The following TGM1 variants were observed in gnomAD, a reference collection of about 807,000 sequenced individuals.
The protein encoded by TGM1 is transglutaminase 1.
In TGM1, 63 loss-of-function variants were observed where a neutral mutation model predicts 88.7. The observed-to-expected ratio is 0.71, with a 90% CI of 0.58 to 0.88. TGM1 has a LOEUF of 0.88. TGM1 is among the 40% of genes least tolerant of loss of function. TGM1 has a pLI of 0.00. For missense variants in TGM1, 996 were observed against 1,118.0 expected (o/e 0.89, Z 1.56); for synonymous variants, 415 against 431.1 (o/e 0.96, Z 0.46).
Position 24,259,103 on chromosome 14 carries a change from G to C in TGM1, c.1131C>G (p.Cys377Trp). ...RTGYSVPYGQ[C>W]WVFAGVTTTV... ...TGGTGGTCACGCCAGCAAAGACCCAGCACTGGCCATAGGGGACGGAATATC... is the reference window on the plus strand; with the variant it reads ...TGGTGGTCACGCCAGCAAAGACCCACCACTGGCCATAGGGGACGGAATATC... The change falls in exon 7 of 15, where the codon TGC becomes TGG. Residue 377 changes from cysteine (C) to tryptophan (W), a missense_variant. Coordinates refer to ENST00000206765, the MANE Select transcript of TGM1 (RefSeq NM_000359.3). The surrounding 1 kb of genome is among the most constrained non-coding windows in gnomAD (Gnocchi z 5.7). 1 of 1,614,116 alleles carries C rather than the reference G, an allele frequency of 6.2e-7. No individual in the cohort carries two copies. Among genetic ancestry groups the C allele is most frequent in the Non-Finnish European group, 8.5e-7 (1 of 1,180,012 alleles).
In TGM1 at chr14:24,259,212, T is replaced by G. The variant is rs1490308250; in HGVS notation, c.1022A>C (p.Asn341Thr). 6.2e-7 allele frequency: 1 copy of G among 1,613,760 alleles called. No homozygotes were observed. The highest frequency in any genetic ancestry group is 8.5e-7 in the Non-Finnish European group (1 of 1,179,920). The change falls in exon 7 of 15, where the codon AAC (asparagine) becomes ACC (threonine). Residue 341 changes from asparagine (N) to threonine (T), a missense_variant. By Grantham distance (65) the Asn-to-Thr change is moderately conservative. Transcript: ENST00000206765. The surrounding 1 kb of genome is among the most constrained non-coding windows in gnomAD (Gnocchi z 5.7). Reference sequence around the variant, plus strand: ...GCCTCGGGAGTAATCACCAGACCAGTTCCCAATCAGGACTCCATTGTCATC... The same window carrying G: ...GCCTCGGGAGTAATCACCAGACCAGGTCCCAATCAGGACTCCATTGTCATC... Reference protein sequence around the residue: ...SLDDNGVLIGNWSGDYSRGTN... With the variant: ...SLDDNGVLIGTWSGDYSRGTN...
rs565685562 is a variant in TGM1 at position 24,262,455 on chromosome 14, C to T, written c.-2-101G>A. ...AGCTGATTCAGTCCCACCCGATGAC[C>T]GAAACAATCCCACCTTGGCCCAGAG... On this transcript the variant is annotated intron_variant, in intron 1 of 14. Coordinates refer to ENST00000206765, the MANE Select transcript of TGM1 (RefSeq NM_000359.3). The T allele has an allele frequency of 2.0e-4, 250 of 1,260,590 alleles. 2 individuals are homozygous for T. The highest frequency in any genetic ancestry group is 1.9e-3 in the Middle Eastern group (8 of 4,242). 78.1% of individuals were successfully genotyped at this position (1,260,590 alleles called of 1,614,324 possible). A position where few individuals can be genotyped will look rare whatever the true frequency, so the allele number is the denominator to read the frequency against.
chr14:24,256,269 G>C (rs2040750687), intron 9 of TGM1, among the ~76,000 whole-genome samples, 192 bp from the exon 10 acceptor site: 1 of 152,202 alleles, frequency 6.6e-6, no homozygotes, highest in Non-Finnish European at 1.5e-5. Context: ...GTGCAACACA[G>C]GTATGGAAAA....
At chr14:24,260,230 T>C (rs941867287) in intron 4 of TGM1, 172 bp from the exon 5 acceptor site, 15 of 948,100 alleles carry the variant, frequency 1.6e-5, no homozygotes, top group African/African-American at 8.1e-5. Context: ...GTGGAGGAGA[T>C]TGGCTGTAGC....
In TGM1 at chr14:24,255,867, G is replaced by C. The variant is rs1018351816; in HGVS notation, c.1491+122C>G. The stretch of plus-strand genomic sequence containing the variant: ...CTTGATTATCCCCTTTTACAGGTGA[G>C]GAAACTGACTTGTATAATGAGTGAC... On this transcript the variant is annotated intron_variant, in intron 10 of 14. Transcript: ENST00000206765. This position sits in a 1 kb window ranked among gnomAD's most constrained non-coding sequence, Gnocchi z 4.0. The C allele has an allele frequency of 7.0e-6, 6 of 863,194 alleles. No homozygotes were observed. In the African/African-American group the frequency reaches 1.0e-4, roughly 14 times the overall value. The allele number at this position is 863,194 out of a possible 1,614,324, so 53.5% of individuals were successfully genotyped here.
rs2040737345 is a variant in TGM1, at chr14:24,255,083, T to G, written c.1816A>C (p.Ser606Arg). ...VSVMLINHSSSRRTVKLHLYL... is the reference protein window; with the variant it reads ...VSVMLINHSSRRRTVKLHLYL... ...AGGTGCAGTTTCACTGTGCGGCGGC[T>G]GCTGCTGTGATTGATCAGCATCACA... Residue 606 changes from serine to arginine, a missense_variant, in exon 12 of 15, where the codon AGC (serine) becomes CGC (arginine). Ser to Arg is a moderately radical substitution (Grantham distance 110). Coordinates refer to ENST00000206765, the MANE Select transcript of TGM1 (RefSeq NM_000359.3). This position sits in a 1 kb window ranked among gnomAD's most constrained non-coding sequence, Gnocchi z 4.0. 6.2e-7 allele frequency: 1 copy of G among 1,614,182 alleles called. No individual in the cohort carries two copies. The highest frequency in any genetic ancestry group is 8.5e-7 in the Non-Finnish European group (1 of 1,180,054).
At position 24,259,370 on chromosome 14, in the gene TGM1, G is replaced by T; in HGVS notation, c.985-121C>A. The T allele has an allele frequency of 1.0e-6, 1 of 972,954 alleles. No individual in the cohort carries two copies. The highest frequency in any genetic ancestry group is 1.6e-6 in the Non-Finnish European group (1 of 631,328). 60.3% of individuals were successfully genotyped at this position (972,954 alleles called of 1,614,324 possible). ...CACCCCTTACCCCTAAATGCCTCAGGATCCAGACACCAGCCTGAGCTCCAC... is the reference window on the plus strand; with the variant it reads ...CACCCCTTACCCCTAAATGCCTCAGTATCCAGACACCAGCCTGAGCTCCAC... On this transcript the variant is annotated intron_variant, in intron 6 of 14. Transcript: ENST00000206765. This position sits in a 1 kb window ranked among gnomAD's most constrained non-coding sequence, Gnocchi z 5.7.
chr14:24,261,940 A>T, intron 2 of TGM1, 57 bp from the exon 3 acceptor site: 1 of 1,610,308 alleles, frequency 6.2e-7, no homozygotes, highest in Non-Finnish European at 8.5e-7. Context: ...GGCCCTTATC[A>T]TTAGCTTCCT....
intron 14 of TGM1, among the ~76,000 whole-genome samples, chr14:24,253,549 C>A (rs372733302): frequency 5.9e-5 from 9 of 152,182 alleles, no homozygotes; most frequent in Admixed American, 4.6e-4. Context: ...ACAAACATGG[C>A]TCACTTCAGC....
In TGM1 at chr14:24,258,679, G is replaced by A. The variant is rs752085966; in HGVS notation, c.1160-6C>T. ...CAGACCCAGGCAGCGCAGCACTGTG[G>A]AGGAGCGAAGGTTGGGGTTCAAGGC... On this transcript the variant is annotated splice_region_variant and splice_polypyrimidine_tract_variant and intron_variant, in intron 7 of 14. Coordinates refer to ENST00000206765, the MANE Select transcript of TGM1 (RefSeq NM_000359.3). 1.2e-6 allele frequency: 2 copies of A among 1,613,644 alleles called. No homozygotes were observed. Among genetic ancestry groups the A allele is most frequent in the Non-Finnish European group, 1.7e-6 (2 of 1,179,512 alleles).
In TGM1 at chr14:24,255,412, TGATGGCCTTTGTGACAATGAGTGTGCC is replaced by T. The variant is rs776552228; in HGVS notation, c.1570_1596del (p.Gly524_Ile532del). On this transcript the variant is annotated inframe_deletion, in exon 11 of 15. Transcript: ENST00000206765. This position sits in a 1 kb window ranked among gnomAD's most constrained non-coding sequence, Gnocchi z 4.0. ...GTGATGTCCTCCCGCATGTTGGAGC[TGATGGCCTTTGTGACAATGAGTGTGCC>T]GATGGCCTTCTCCTCCACATAAACA... 2 of 1,614,182 alleles carry T rather than the reference TGATGGCCTTTGTGACAATGAGTGTGCC, an allele frequency of 1.2e-6. No individual in the cohort carries two copies. Among genetic ancestry groups the T allele is most frequent in the Non-Finnish European group, 1.7e-6 (2 of 1,180,036 alleles).
intron 1 of TGM1, 95 bp from the exon 2 acceptor site, chr14:24,262,449 G>A (rs1374604680): frequency 4.1e-5 from 55 of 1,349,046 alleles, no homozygotes; most frequent in Admixed American, 7.8e-5. Context: ...AGTCCCACCC[G>A]ATGACCGAAA....
chr14:24,259,320 A>C lies in TGM1; in HGVS notation c.985-71T>G, dbSNP rs1594571290. ...AGGACCTGCCATGTGGTCCATGGGGACCAGCCGGGCCCCGATCCTGCAACC... is the reference window on the plus strand; with the variant it reads ...AGGACCTGCCATGTGGTCCATGGGGCCCAGCCGGGCCCCGATCCTGCAACC... On this transcript the variant is annotated intron_variant, in intron 6 of 14. Transcript: ENST00000206765. The surrounding 1 kb of genome is among the most constrained non-coding windows in gnomAD (Gnocchi z 5.7). The C allele has an allele frequency of 4.1e-6, 6 of 1,476,868 alleles. No individual in the cohort carries two copies. Among genetic ancestry groups the C allele is most frequent in the East Asian group, 2.4e-5 (1 of 41,078 alleles). 91.5% of individuals were successfully genotyped at this position (1,476,868 alleles called of 1,614,324 possible). A position where few individuals can be genotyped will look rare whatever the true frequency, so the allele number is the denominator to read the frequency against.
chr14:24,256,028 C>A lies in TGM1; in HGVS notation c.1452G>T (p.Leu484=), dbSNP rs2855109. Residue 484 remains leucine (L), a synonymous_variant, in exon 10 of 15, where the codon CTG becomes CTT. Transcript: ENST00000206765. ...PCSVESIKNG[L]VYMKYDTPFI... is the part of the protein sequence containing the mutation. ...AAGGCGTGTCGTACTTCATGTAGAC[C>A]AGGCCATTCTTGATGGACTCCACAG... 1.6e-5 allele frequency: 25 copies of A among 1,571,084 alleles called. No individual in the cohort carries two copies. The highest frequency in any genetic ancestry group is 1.9e-5 in the Non-Finnish European group (22 of 1,156,786).
In TGM1 at chr14:24,262,193, G is replaced by C. The variant is rs140000324; in HGVS notation, c.160C>G (p.Arg54Gly). Residue 54 changes from arginine (R) to glycine (G), a missense_variant, in exon 2 of 15, where the codon CGA (arginine) becomes GGA (glycine). By Grantham distance (125) the Arg-to-Gly change is moderately radical (BLOSUM62 -2). Coordinates refer to ENST00000206765, the MANE Select transcript of TGM1 (RefSeq NM_000359.3). ...WARCCGCCSC[R>G]NAADDDWGPE... is the part of the protein sequence containing the mutation. The stretch of plus-strand genomic sequence containing the variant: ...CCCCAGTCGTCATCTGCCGCATTTC[G>C]GCATGAACAGCAGCCACAGCAGCGA... 1.2e-6 allele frequency: 2 copies of C among 1,613,614 alleles called. No individual in the cohort carries two copies. Among genetic ancestry groups the C allele is most frequent in the Non-Finnish European group, 1.7e-6 (2 of 1,180,050 alleles).
chr14:24,250,629 T>C (rs1223374393), intron 14 of TGM1, among the ~76,000 whole-genome samples: 1 of 152,166 alleles, frequency 6.6e-6, no homozygotes, highest in Non-Finnish European at 1.5e-5. Context: ...TGGGTGTCCT[T>C]GTGAAGGCCT....
rs754716734 is a variant in TGM1 at position 24,259,934 on chromosome 14, C to T, written c.876+6G>A. The stretch of plus-strand genomic sequence containing the variant: ...GTGTATGTGACCCTGGCCAGCCGCA[C>T]CATACCTGGCCGTAGTTCCAGGTCC... On this transcript the variant is annotated splice_donor_region_variant and intron_variant, in intron 5 of 14. Coordinates refer to ENST00000206765, the MANE Select transcript of TGM1 (RefSeq NM_000359.3). This position sits in a 1 kb window ranked among gnomAD's most constrained non-coding sequence, Gnocchi z 5.7. The T allele has an allele frequency of 1.2e-6, 2 of 1,613,720 alleles. No homozygotes were observed. Among genetic ancestry groups the T allele is most frequent in the Admixed American group, 1.7e-5 (1 of 60,034 alleles).
chr14:24,258,796 AGGGCCACGG>A, intron 7 of TGM1, 123 bp from the exon 8 acceptor site: 1 of 1,435,450 alleles, frequency 7.0e-7, no homozygotes, highest in Non-Finnish European at 9.5e-7. Flanking sequence ...TGCCAGGGTC[AGGGCCACGG>A]GGGCCACAAG....
intron 4 of TGM1, 163 bp from the exon 5 acceptor site, chr14:24,260,221 TGGA>T (rs1045195254): frequency 4.3e-6 from 4 of 925,704 alleles, no homozygotes; most frequent in East Asian, 5.2e-5. Flanking sequence ...TGACAGATGG[TGGA>T]GGAGATTGGC....
Sources: allele counts gnomAD v4.1 joint callset (sites outside exome capture counted in the v4.1 genomes callset), GRCh38; gene constraint gnomAD v4.1.1; non-coding constraint Gnocchi (gnomAD v3.1); transcripts MANE v1.5; gene names NCBI Gene and HGNC (gene_info 2026-07-23, HGNC 2026-07-21).